The following MTCL2 variants were observed in gnomAD, a reference collection of about 807,000 sequenced individuals.
The protein encoded by MTCL2 is microtubule crosslinking factor 2, also known as microtubule cross-linking factor 2.
the MTCL2 span, chr20:36,797,507 T>C: frequency 6.4e-7 from 1 of 1,554,032 alleles, no homozygotes; most frequent in Non-Finnish European, 8.7e-7. Context: ...CTCACCTCCT[T>C]CCAGCTGTTG....
the MTCL2 span, among the ~76,000 whole-genome samples, chr20:36,838,636 T>C: frequency 2.0e-5 from 3 of 151,780 alleles, no homozygotes; most frequent in Admixed American, 6.6e-5. Context: ...CGGGGACAAT[T>C]AGAGGCTAGC....
At chr20:36,809,720 C>G in the MTCL2 span, among the ~76,000 whole-genome samples, 4 of 151,818 alleles carry the variant, frequency 2.6e-5, no homozygotes, top group Non-Finnish European at 5.9e-5. Flanking sequence ...GGATTACAGG[C>G]GTGCTAGTGC....
the MTCL2 span, among the ~76,000 whole-genome samples, chr20:36,800,388 G>A: frequency 3.8e-3 from 580 of 152,302 alleles, 4 homozygotes; most frequent in African/African-American, 0.013. Context: ...TTTCCACATG[G>A]TACCTGGATG....
At chr20:36,784,043 C>T in the MTCL2 span, 50 of 985,438 alleles carry the variant, frequency 5.1e-5, no homozygotes, top group African/African-American at 1.0e-4. Context: ...CAATCCTGGA[C>T]GGTACGATGG....
At chr20:36,817,359 C>T in the MTCL2 span, 1 of 1,513,588 alleles carries the variant, frequency 6.6e-7, no homozygotes, top group South Asian at 1.3e-5. Flanking sequence ...TAGAGTCAGG[C>T]TCAGGTCTTC....
the MTCL2 span, among the ~76,000 whole-genome samples, chr20:36,859,313 C>T: frequency 1.3e-5 from 2 of 152,092 alleles, no homozygotes; most frequent in South Asian, 2.1e-4. Flanking sequence ...CTCAGATCAC[C>T]GGGTCTTTGA....
chr20:36,811,501 C>T, the MTCL2 span, among the ~76,000 whole-genome samples: 4 of 151,954 alleles, frequency 2.6e-5, no homozygotes, highest in Non-Finnish European at 4.4e-5. Flanking sequence ...TGGTGGCGCA[C>T]GCCTATAGTC....
chr20:36,805,799 G>T, the MTCL2 span: 1 of 1,430,428 alleles, frequency 7.0e-7, no homozygotes, highest in Non-Finnish European at 9.5e-7. Flanking sequence ...TGATTACTGA[G>T]CAGACAAAGG....
chr20:36,847,281 CCCTCTGCTAGAACGG>C, the MTCL2 span, among the ~76,000 whole-genome samples: 2 of 152,244 alleles, frequency 1.3e-5, no homozygotes, highest in Non-Finnish European at 2.9e-5. Context: ...TTCAGCTATT[CCCTCTGCTAGAACGG>C]CCTTTGCCAG....
At chr20:36,863,280 G>A in the MTCL2 span, 20 of 1,189,574 alleles carry the variant, frequency 1.7e-5, no homozygotes, top group Non-Finnish European at 2.1e-5. This position sits in a 1 kb window ranked among gnomAD's most constrained non-coding sequence, Gnocchi z 6.2. Flanking sequence ...CGGGGCAGGC[G>A]CGGGTGCAGG....
At chr20:36,827,416 T>G in the MTCL2 span, among the ~76,000 whole-genome samples, 2 of 138,692 alleles carry the variant, frequency 1.4e-5, no homozygotes, top group South Asian at 2.3e-4. Context: ...CAGGCTGGAG[T>G]GCAGTGGTGC....
chr20:36,861,811 C>T, the MTCL2 span, among the ~76,000 whole-genome samples: 1 of 152,232 alleles, frequency 6.6e-6, no homozygotes, highest in Non-Finnish European at 1.5e-5. Context: ...CCGGCTGGCA[C>T]CCAGTAGGTG....
chr20:36,842,125 A>G, the MTCL2 span, among the ~76,000 whole-genome samples: 1 of 151,864 alleles, frequency 6.6e-6, no homozygotes, highest in Non-Finnish European at 1.5e-5. Context: ...GCTGTTCCTC[A>G]CTTCTCCTTT....
the MTCL2 span, among the ~76,000 whole-genome samples, chr20:36,853,609 G>T: frequency 4.6e-3 from 705 of 152,200 alleles, 3 homozygotes; most frequent in African/African-American, 0.016. Flanking sequence ...GGCCCAGGAA[G>T]ATAAGGTCTA....
chr20:36,857,296 G>A, the MTCL2 span, among the ~76,000 whole-genome samples: 1 of 152,130 alleles, frequency 6.6e-6, no homozygotes, highest in East Asian at 1.9e-4. Flanking sequence ...TGACGTGGGG[G>A]TTGCAGCAGG....
chr20:36,793,207 A>C, the MTCL2 span: 1 of 1,519,468 alleles, frequency 6.6e-7, no homozygotes, highest in Non-Finnish European at 8.8e-7. This position sits in a 1 kb window ranked among gnomAD's most constrained non-coding sequence, Gnocchi z 6.8. Context: ...CTTATATACT[A>C]ACTCCACCTA....
the MTCL2 span, among the ~76,000 whole-genome samples, chr20:36,800,631 C>T: frequency 6.6e-6 from 1 of 152,174 alleles, no homozygotes; most frequent in South Asian, 2.1e-4. Flanking sequence ...GTTTCATGAA[C>T]GTGACCTTGC....
the MTCL2 span, among the ~76,000 whole-genome samples, chr20:36,813,875 C>T: frequency 1.3e-5 from 2 of 152,008 alleles, no homozygotes; most frequent in Non-Finnish European, 2.9e-5. Context: ...CTCCCGCATG[C>T]TCAGTGCAGT....
chr20:36,815,606 C>T, the MTCL2 span: 70 of 1,594,612 alleles, frequency 4.4e-5, no homozygotes, highest in Non-Finnish European at 5.8e-5. This position sits in a 1 kb window ranked among gnomAD's most constrained non-coding sequence, Gnocchi z 5.3. Flanking sequence ...GCATGGGCCG[C>T]GTACTCTGGC....
Sources: allele counts gnomAD v4.1 joint callset (sites outside exome capture counted in the v4.1 genomes callset), GRCh38; gene constraint gnomAD v4.1.1; non-coding constraint Gnocchi (gnomAD v3.1); transcripts MANE v1.5; gene names NCBI Gene and HGNC (gene_info 2026-07-23, HGNC 2026-07-21).